The following SLCO1B3 variants were observed in gnomAD, a reference collection of about 807,000 sequenced individuals.
SLCO1B3 encodes liver-specific organic anion transporter 2.
In SLCO1B3, 72 loss-of-function variants were observed where a neutral mutation model predicts 71.8. The observed-to-expected ratio is 1.00, with a 90% CI of 0.83 to 1.22. The LOEUF is 1.22. Ranked by LOEUF, SLCO1B3 falls within the 50% of genes most tolerant of loss-of-function variation. SLCO1B3 has a pLI of 0.00. For synonymous variants in SLCO1B3, 298 were observed against 278.4 expected (o/e 1.07, Z -0.70); for missense variants, 911 against 819.7 (o/e 1.11, Z -1.36).
At chr12:20,824,480 A>C (rs1864381926) in intron 3 of SLCO1B3, among the ~76,000 whole-genome samples, 1 of 152,202 alleles carries the variant, frequency 6.6e-6, no homozygotes, top group Non-Finnish European at 1.5e-5. Context: ...TAAAAGGATT[A>C]AAGTAAAACA....
intron 3 of SLCO1B3, among the ~76,000 whole-genome samples, chr12:20,853,859 T>G (rs541845699): frequency 6.6e-6 from 1 of 150,784 alleles, no homozygotes; most frequent in Non-Finnish European, 1.5e-5. Flanking sequence ...TTATAAACTT[T>G]CCCTTTAGTG....
chr12:20,884,789 C>T (rs1865761258), intron 13 of SLCO1B3, among the ~76,000 whole-genome samples: 1 of 150,964 alleles, frequency 6.6e-6, no homozygotes, highest in Admixed American at 6.6e-5. Flanking sequence ...AAAAAGCAAC[C>T]AACAATGTGT....
chr12:20,818,628 G>A (rs1159490503), intron 3 of SLCO1B3, among the ~76,000 whole-genome samples: 4 of 152,156 alleles, frequency 2.6e-5, no homozygotes, highest in Non-Finnish European at 5.9e-5. Context: ...GGAACACTAA[G>A]AAGTTATTTC....
chr12:20,850,033 T>A (rs1455556835), intron 3 of SLCO1B3, among the ~76,000 whole-genome samples: 2 of 54,244 alleles, frequency 3.7e-5, no homozygotes, highest in African/African-American at 3.4e-4. Context: ...CCCAACAGCC[T>A]TTTTTTTTTT....
At chr12:20,846,617 G>A (rs969119499) in intron 3 of SLCO1B3, among the ~76,000 whole-genome samples, 4 of 152,272 alleles carry the variant, frequency 2.6e-5, no homozygotes, top group Non-Finnish European at 5.9e-5. Flanking sequence ...TGGAAGAACA[G>A]GGGATAACCA....
intron 3 of SLCO1B3, among the ~76,000 whole-genome samples, chr12:20,839,101 C>T (rs377706213): frequency 4.6e-5 from 7 of 151,794 alleles, no homozygotes; most frequent in South Asian, 2.1e-4. Flanking sequence ...TCTTCTCTCC[C>T]GTTTATTGCA....
chr12:20,883,652 C>G (rs374810352), intron 13 of SLCO1B3, 50 bp downstream of exon 13: 7 of 1,169,686 alleles, frequency 6.0e-6, no homozygotes, highest in South Asian at 1.6e-5. Flanking sequence ...CTAAAACACA[C>G]CTAATGATAG....
chr12:20,860,695 G>A (rs537743732), intron 5 of SLCO1B3, among the ~76,000 whole-genome samples: 179 of 150,502 alleles, frequency 1.2e-3, no homozygotes, highest in Non-Finnish European at 1.9e-3. Flanking sequence ...GGGATAAATA[G>A]ACATAGTTAA....
intron 3 of SLCO1B3, among the ~76,000 whole-genome samples, chr12:20,846,309 A>G (rs1238598479): frequency 6.6e-6 from 1 of 152,084 alleles, no homozygotes; most frequent in Non-Finnish European, 1.5e-5. Context: ...ATTTTCCTGG[A>G]CCTTCACATG....
chr12:20,898,222 A>G (rs1866053873), intron 13 of SLCO1B3, among the ~76,000 whole-genome samples: 1 of 152,206 alleles, frequency 6.6e-6, no homozygotes, highest in Non-Finnish European at 1.5e-5. Context: ...CCTTGAAATC[A>G]TAAAGCATTT....
chr12:20,871,439 A>T (rs1296119778), intron 8 of SLCO1B3, among the ~76,000 whole-genome samples: 2 of 152,044 alleles, frequency 1.3e-5, no homozygotes, highest in African/African-American at 4.8e-5. Context: ...TGGTGAGGTC[A>T]TGTTTTCCTG....
intron 13 of SLCO1B3, among the ~76,000 whole-genome samples, chr12:20,886,143 C>T (rs952596109): frequency 4.6e-5 from 7 of 151,894 alleles, no homozygotes; most frequent in Admixed American, 3.3e-4. Flanking sequence ...AGGTTCTGGC[C>T]TGAGCTCTGG....
At chr12:20,862,875 G>A (rs1201206248) in intron 8 of SLCO1B3, 21 bp downstream of exon 8, 1 of 1,353,190 alleles carries the variant, frequency 7.4e-7, no homozygotes, top group Non-Finnish European at 1.1e-6. Context: ...TTAGAACAAG[G>A]TACCATGATA....
intron 3 of SLCO1B3, among the ~76,000 whole-genome samples, chr12:20,845,758 G>T (rs1344337156): frequency 6.6e-6 from 1 of 152,136 alleles, no homozygotes; most frequent in Non-Finnish European, 1.5e-5. Flanking sequence ...TGTAGTTTAA[G>T]TACATTGTTT....
rs1188395600 is a variant in SLCO1B3, at chr12:20,813,739, T to G, written c.-66+101T>G. 1.3e-5 allele frequency: 2 copies of G among 151,338 alleles called. 1 individual carries two copies. Among genetic ancestry groups the G allele is most frequent in the Non-Finnish European group, 2.9e-5 (2 of 68,010 alleles). The allele number at this position is 151,338 out of a possible 1,614,324, so 9.4% of individuals were successfully genotyped here. ...AGGTGTCTTTAAACAAAAACATACA[T>G]AAAACATTATGTATTAAGTTATGTA... On this transcript the variant is annotated intron_variant, in intron 2 of 15. Transcript: ENST00000381545.
At chr12:20,823,980 T>A (rs1465040834) in intron 3 of SLCO1B3, among the ~76,000 whole-genome samples, 2 of 152,184 alleles carry the variant, frequency 1.3e-5, no homozygotes, top group African/African-American at 2.4e-5. Flanking sequence ...TGTCTCGAAT[T>A]ACGTCCTGTG....
At chr12:20,914,152 C>T (rs1355064013) in intron 15 of SLCO1B3, among the ~76,000 whole-genome samples, 1 of 152,120 alleles carries the variant, frequency 6.6e-6, no homozygotes, top group Non-Finnish European at 1.5e-5. Flanking sequence ...ATATTTGTTA[C>T]TATTTTCTAT....
Position 20,882,094 on chromosome 12 carries a change from C to A in SLCO1B3, c.1497+1074C>A, listed in dbSNP as rs537440974. ...ATAGTATCTTTCAGTAAGAGTACCC[C>A]ATTTAATCCCTGGTCCTGTGTTGTC... On this transcript the variant is annotated intron_variant, in intron 12 of 15. Coordinates refer to ENST00000381545, the MANE Select transcript of SLCO1B3 (RefSeq NM_019844.4). Among the ~76,000 whole-genome samples the A allele has an allele frequency of 2.6e-5, 4 of 152,238 alleles. No individual in the cohort carries two copies. In the South Asian group the frequency reaches 8.3e-4, roughly 32 times the overall value.
intron 3 of SLCO1B3, among the ~76,000 whole-genome samples, chr12:20,821,555 G>A (rs1267694800): frequency 6.6e-6 from 1 of 152,092 alleles, no homozygotes; most frequent in East Asian, 1.9e-4. Flanking sequence ...AAAGGGTTGG[G>A]GCACGGAAAT....
Sources: allele counts gnomAD v4.1 joint callset (sites outside exome capture counted in the v4.1 genomes callset), GRCh38; gene constraint gnomAD v4.1.1; transcripts MANE v1.5; gene names NCBI Gene and HGNC (gene_info 2026-07-23, HGNC 2026-07-21).